SLC8A1: variants seen among roughly 807,000 people sequenced by gnomAD.
SLC8A1 encodes the protein sodium/calcium exchanger 1.
SLC8A1 carries 18 observed loss-of-function variants against 68.3 expected under a neutral mutation model. That is an observed-to-expected ratio of 0.26 (90% CI 0.18 to 0.39). SLC8A1 has a LOEUF of 0.39. SLC8A1 is among the 10% of genes least tolerant of loss of function. SLC8A1 has a pLI of 1.00. For synonymous variants in SLC8A1, 475 were observed against 415.5 expected (o/e 1.14, Z -1.74); for missense variants, 985 against 1,156.7 (o/e 0.85, Z 2.15).
chr2:40,111,881 G>A (rs568971327), exon 8 of SLC8A1: 1 of 152,210 alleles, frequency 6.6e-6, no homozygotes, highest in Admixed American at 6.5e-5. Flanking sequence ...AAAGTTGTCT[G>A]ACATGTAACT....
At chr2:40,503,707 A>T (rs773347737) in intron 1 of SLC8A1, among the ~76,000 whole-genome samples, 16 of 152,076 alleles carry the variant, frequency 1.1e-4, no homozygotes, top group Non-Finnish European at 2.2e-4. Context: ...CATTTATATT[A>T]GCCACACATA....
chr2:40,400,131 A>T (rs1217478627), intron 2 of SLC8A1, among the ~76,000 whole-genome samples: 1 of 152,124 alleles, frequency 6.6e-6, no homozygotes, highest in Non-Finnish European at 1.5e-5. Flanking sequence ...TGAGCCCTTA[A>T]AAGGGACAGG....
At chr2:40,350,684 A>G (rs1343310561) in intron 2 of SLC8A1, among the ~76,000 whole-genome samples, 1 of 149,786 alleles carries the variant, frequency 6.7e-6, no homozygotes, top group Admixed American at 6.7e-5. Context: ...TTAGCCTTAT[A>G]TAAGTATATC....
At chr2:40,289,330 T>C (rs1453169487) in intron 2 of SLC8A1, among the ~76,000 whole-genome samples, 4 of 152,096 alleles carry the variant, frequency 2.6e-5, no homozygotes, top group Non-Finnish European at 5.9e-5. Flanking sequence ...TATAGTACAA[T>C]GCAAAGGGAA....
intron 2 of SLC8A1, among the ~76,000 whole-genome samples, chr2:40,212,474 G>A (rs1181779859): frequency 4.0e-5 from 6 of 151,806 alleles, no homozygotes; most frequent in Admixed American, 2.0e-4. Flanking sequence ...TAGTAGAGAC[G>A]GGGCTTCGCC....
intron 2 of SLC8A1, among the ~76,000 whole-genome samples, chr2:40,343,069 A>G (rs1176620048): frequency 2.0e-5 from 3 of 151,912 alleles, no homozygotes; most frequent in Non-Finnish European, 4.4e-5. Flanking sequence ...GGAATAAATT[A>G]TTTTTTTCTT....
chr2:40,205,931 G>T (rs1281671509), intron 2 of SLC8A1, among the ~76,000 whole-genome samples: 3 of 151,862 alleles, frequency 2.0e-5, no homozygotes, highest in Non-Finnish European at 2.9e-5. Context: ...ACCTAGAAAG[G>T]GAAACATGAT....
At chr2:40,214,043 A>C (rs2148796415) in intron 2 of SLC8A1, among the ~76,000 whole-genome samples, 1 of 152,310 alleles carries the variant, frequency 6.6e-6, no homozygotes, top group South Asian at 2.1e-4. Flanking sequence ...GGTAGAAATG[A>C]TGACTGTGTG....
intron 2 of SLC8A1, among the ~76,000 whole-genome samples, chr2:40,408,733 C>T (rs978912492): frequency 2.0e-5 from 3 of 152,096 alleles, no homozygotes; most frequent in Non-Finnish European, 2.9e-5. Context: ...TTCGAAGGGG[C>T]ACCAGTTAGA....
intron 1 of SLC8A1, among the ~76,000 whole-genome samples, chr2:40,464,593 C>T (rs1703550747): frequency 6.6e-6 from 1 of 152,096 alleles, no homozygotes; most frequent in African/African-American, 2.4e-5. Context: ...TATCATATAC[C>T]CCTAGAGTTG....
At chr2:40,210,173 C>G (rs1367955421) in intron 2 of SLC8A1, 3 of 152,148 alleles carry the variant, frequency 2.0e-5, no homozygotes, top group Admixed American at 1.3e-4. Context: ...GTAAGGAAAA[C>G]ATATACAGTA....
At chr2:40,219,875 ATTT>A (rs1162934399) in intron 2 of SLC8A1, among the ~76,000 whole-genome samples, 10 of 27,792 alleles carry the variant, frequency 3.6e-4, no homozygotes, top group Non-Finnish European at 5.5e-4. Context: ...CTACTATAGG[ATTT>A]TTTTTTTTTT....
intron 2 of SLC8A1, among the ~76,000 whole-genome samples, chr2:40,359,945 AAAC>A (rs1674070705): frequency 6.6e-6 from 1 of 151,660 alleles, no homozygotes; most frequent in South Asian, 2.1e-4. Flanking sequence ...AAAAAAAAAA[AAAC>A]AGATACATAA....
intron 7 of SLC8A1, among the ~76,000 whole-genome samples, chr2:40,125,623 A>G (rs561897384): frequency 1.7e-4 from 26 of 152,342 alleles, no homozygotes; most frequent in Admixed American, 2.6e-4. Context: ...ATTGCTTTGC[A>G]TATTCACTTA....
intron 2 of SLC8A1, among the ~76,000 whole-genome samples, chr2:40,392,220 AAG>A (rs572899410): frequency 1.7e-4 from 26 of 151,656 alleles, no homozygotes; most frequent in African/African-American, 6.3e-4. Flanking sequence ...AGAAAAAGAA[AAG>A]AGAAAGAAAA....
intron 1 of SLC8A1, among the ~76,000 whole-genome samples, chr2:40,469,699 T>C (rs1362768798): frequency 2.6e-5 from 4 of 152,178 alleles, no homozygotes; most frequent in Non-Finnish European, 5.9e-5. Context: ...TTTCTTTTCA[T>C]GGATTTCTCT....
chr2:40,303,622 A>T, intron 2 of SLC8A1, among the ~76,000 whole-genome samples: 1 of 152,330 alleles, frequency 6.6e-6, no homozygotes, highest in Admixed American at 6.5e-5. Flanking sequence ...CATGGCAATC[A>T]GTTGACTTGC....
rs545412818 is a variant in SLC8A1, at chr2:40,178,374, G to A, written c.1809-519C>T. On this transcript the variant is annotated intron_variant, in intron 2 of 7. Transcript: ENST00000406785. ...AGAAGCTGTTGGGCTCAGCCCTGGA[G>A]CAGCTCCCCCACCTTTCTTCTCACT... 9.3e-6 allele frequency: 15 copies of A among 1,607,340 alleles called. No individual in the cohort carries two copies. In the East Asian group the frequency reaches 3.1e-4, roughly 33 times the overall value.
chr2:40,182,537 G>A (rs562084841), intron 2 of SLC8A1, among the ~76,000 whole-genome samples: 1 of 152,248 alleles, frequency 6.6e-6, no homozygotes, highest in African/African-American at 2.4e-5. Context: ...TTTATTCAGT[G>A]GAAAAATACA....
Sources: allele counts gnomAD v4.1 joint callset (sites outside exome capture counted in the v4.1 genomes callset), GRCh38; gene constraint gnomAD v4.1.1; transcripts MANE v1.5; gene names NCBI Gene and HGNC (gene_info 2026-07-23, HGNC 2026-07-21).